The following CACNB2 variants were observed in gnomAD, a reference collection of about 807,000 sequenced individuals.
The protein encoded by CACNB2 is calcium voltage-gated channel auxiliary subunit beta 2.
Under a neutral mutation model 73.3 loss-of-function variants are expected in CACNB2, and 42 were observed. The observed-to-expected ratio is 0.57, with a 90% confidence interval of 0.45 to 0.74. The LOEUF (loss-of-function observed/expected upper bound fraction) is 0.74, where lower values mean the gene tolerates loss of function less well. CACNB2 is among the 30% of genes least tolerant of loss of function. The pLI, the probability that CACNB2 is intolerant of heterozygous loss-of-function variation, is 0.00. For synonymous variants in CACNB2, 348 were observed against 310.3 expected (o/e 1.12, Z -1.28); for missense variants, 940 against 853.0 (o/e 1.10, Z -1.27).
chr10:18,188,246 A>G (rs28372162), intron 2 of CACNB2, among the ~76,000 whole-genome samples: 5 of 146,484 alleles, frequency 3.4e-5, no homozygotes, highest in Admixed American at 2.1e-4. Flanking sequence ...CTGCCTGCCT[A>G]CCTGCCTTCT....
chr10:18,269,617 T>C (rs1301835608), intron 2 of CACNB2, among the ~76,000 whole-genome samples: 1 of 152,194 alleles, frequency 6.6e-6, no homozygotes, highest in East Asian at 1.9e-4. Context: ...CAAATCAATA[T>C]GCCCAGCCCA....
At chr10:18,379,987 CA>C in intron 2 of CACNB2, among the ~76,000 whole-genome samples, 1 of 152,122 alleles carries the variant, frequency 6.6e-6, no homozygotes. Flanking sequence ...ACACCTGGCC[CA>C]CTATTCTACC....
chr10:18,361,907 C>A (rs2042158601), intron 2 of CACNB2, among the ~76,000 whole-genome samples: 1 of 152,162 alleles, frequency 6.6e-6, no homozygotes, highest in Non-Finnish European at 1.5e-5. Context: ...GCCACCACAC[C>A]CAGCCTAAGG....
intron 2 of CACNB2, among the ~76,000 whole-genome samples, chr10:18,337,199 G>A (rs1174993296): frequency 4.6e-5 from 7 of 151,442 alleles, no homozygotes; most frequent in African/African-American, 1.7e-4. Flanking sequence ...GCGTAATCTT[G>A]GCTCACTGCC....
intron 2 of CACNB2, among the ~76,000 whole-genome samples, chr10:18,312,906 G>A (rs569275682): frequency 2.6e-5 from 4 of 152,146 alleles, no homozygotes; most frequent in Admixed American, 1.3e-4. Context: ...TGACGATTAC[G>A]GACCAAGAGA....
At chr10:18,153,721 A>G (rs1382003642) in intron 2 of CACNB2, among the ~76,000 whole-genome samples, 3 of 150,090 alleles carry the variant, frequency 2.0e-5, no homozygotes, top group Non-Finnish European at 4.4e-5. Context: ...AGCTGGGATT[A>G]CAGGCACAAG....
intron 1 of CACNB2, among the ~76,000 whole-genome samples, chr10:18,146,215 G>A (rs1022616131): frequency 2.0e-5 from 3 of 151,942 alleles, no homozygotes; most frequent in African/African-American, 7.3e-5. Context: ...GATAGTTTTG[G>A]CTTTGTTTGT....
At chr10:18,312,411 A>T (rs1274001413) in intron 2 of CACNB2, among the ~76,000 whole-genome samples, 1 of 152,152 alleles carries the variant, frequency 6.6e-6, no homozygotes, top group Non-Finnish European at 1.5e-5. Context: ...TTAATTATAA[A>T]TTTTTCTGGA....
intron 5 of CACNB2, 46 bp downstream of exon 5, chr10:18,500,994 A>G: frequency 6.4e-7 from 1 of 1,561,446 alleles, no homozygotes; most frequent in South Asian, 1.1e-5. Flanking sequence ...AGATTATACC[A>G]CTATCTGTGT....
At chr10:18,380,134 G>GT (rs2042953922) in intron 2 of CACNB2, among the ~76,000 whole-genome samples, 2 of 152,112 alleles carry the variant, frequency 1.3e-5, no homozygotes, top group Non-Finnish European at 2.9e-5. Context: ...TTCTTAAAAA[G>GT]TTTTTTCAAT....
chr10:18,337,275 A>G (rs910095401), intron 2 of CACNB2, among the ~76,000 whole-genome samples: 2 of 151,978 alleles, frequency 1.3e-5, no homozygotes, highest in East Asian at 1.9e-4. Context: ...GACTACGGAC[A>G]TGCACCACTA....
chr10:18,175,960 G>T (rs1419904351), intron 2 of CACNB2, among the ~76,000 whole-genome samples: 1 of 152,172 alleles, frequency 6.6e-6, no homozygotes, highest in Non-Finnish European at 1.5e-5. Flanking sequence ...TAGAAAGAAA[G>T]CCCATTATAC....
intron 11 of CACNB2, among the ~76,000 whole-genome samples, chr10:18,534,822 T>A (rs545605128): frequency 6.6e-6 from 1 of 152,354 alleles, no homozygotes; most frequent in South Asian, 2.1e-4. Context: ...AAACTAGCCA[T>A]GTTTTTCATA....
chr10:18,143,044 G>T (rs1197464517), intron 1 of CACNB2, among the ~76,000 whole-genome samples: 1 of 152,212 alleles, frequency 6.6e-6, no homozygotes, highest in African/African-American at 2.4e-5. Context: ...GAAGTAAGAA[G>T]TCTTACAGGA....
At chr10:18,499,190 T>A (rs1455278781) in intron 4 of CACNB2, among the ~76,000 whole-genome samples, 1 of 152,204 alleles carries the variant, frequency 6.6e-6, no homozygotes, top group Non-Finnish European at 1.5e-5. Context: ...CTGAGGTTTT[T>A]CTTGGACCTG....
At chr10:18,420,720 G>A (rs966924415) in intron 3 of CACNB2, among the ~76,000 whole-genome samples, 3 of 152,118 alleles carry the variant, frequency 2.0e-5, no homozygotes, top group African/African-American at 7.2e-5. Flanking sequence ...GTGCAATCAA[G>A]TTGACCATAA....
At chr10:18,392,324 G>A (rs1205571722) in intron 2 of CACNB2, among the ~76,000 whole-genome samples, 4 of 152,210 alleles carry the variant, frequency 2.6e-5, no homozygotes, top group Non-Finnish European at 5.9e-5. Context: ...TTGAGAAAAT[G>A]AAGAGAGGAC....
At chr10:18,381,708 G>A (rs978044320) in intron 2 of CACNB2, among the ~76,000 whole-genome samples, 3 of 150,508 alleles carry the variant, frequency 2.0e-5, no homozygotes, top group South Asian at 2.1e-4. Context: ...AAAAAAAAAG[G>A]TTCATTTTAA....
intron 3 of CACNB2, among the ~76,000 whole-genome samples, chr10:18,479,629 C>G (rs1471147517): frequency 6.6e-6 from 1 of 152,132 alleles, no homozygotes; most frequent in East Asian, 1.9e-4. Context: ...GGATTTCCCC[C>G]TTTCTGTTCT....
Sources: gnomAD v4.1 joint callset for allele counts (sites outside exome capture counted in the v4.1 genomes callset) on GRCh38, gnomAD v4.1.1 for gene constraint, MANE v1.5 for transcripts, NCBI Gene and HGNC (gene_info 2026-07-23, HGNC 2026-07-21) for gene names.